CD36: variants seen among roughly 807,000 people sequenced by gnomAD.
CD36 encodes CD36 molecule (CD36 blood group), also known as platelet glycoprotein 4.
In CD36, 119 loss-of-function variants were observed where a neutral mutation model predicts 55.2. The ratio of observed to expected loss-of-function variants is 2.15; its 90% CI spans 1.86 to 2.51. The LOEUF (loss-of-function observed/expected upper bound fraction) is 2.51, where lower values mean the gene tolerates loss of function less well. Among genes scored for constraint, CD36 ranks in the 30% most tolerant of loss-of-function variants. The probability of loss-of-function intolerance (pLI) is 0.00; values close to 1 mark genes in which losing one functional copy is unlikely to be tolerated. For synonymous variants in CD36, 186 were observed against 193.6 expected, an observed-to-expected ratio of 0.96 and a Z score of 0.33; for missense variants, 819 against 555.5, an observed-to-expected ratio of 1.47 and a Z score of -4.77.
upstream of CD36, chr7:80,638,586 T>C (rs1257638582): frequency 1.4e-5 from 2 of 143,818 alleles, no homozygotes; most frequent in African/African-American, 5.1e-5. Context: ...TTCTCTTTTT[T>C]TGGGGGGGGG....
Position 80,674,055 on chromosome 7 carries a change from C to CTGAT in CD36, c.1328_1331dup (p.Glu445AspfsTer110), listed in dbSNP as rs754639049. The CTGAT allele has an allele frequency of 1.6e-5, 26 of 1,611,932 alleles. No individual in the cohort carries two copies. In the East Asian group the frequency reaches 2.5e-4, roughly 15 times the overall value. On this transcript the variant is annotated frameshift_variant, in exon 14 of 15. Coordinates refer to ENST00000447544, the MANE Select transcript of CD36 (RefSeq NM_001001548.3). LOFTEE classifies it high-confidence loss of function. Reference sequence around the variant, plus strand: ...AACTGGAAAAATAAACCTCCTTGGCCTGATAGAAATGATCTTACTCAGTGT... The same window carrying CTGAT: ...AACTGGAAAAATAAACCTCCTTGGCCTGATTGATAGAAATGATCTTACTCAGTGT...
At chr7:80,626,796 T>A (rs1793767360) in intron 1 of CD36, among the ~76,000 whole-genome samples, 1 of 152,026 alleles carries the variant, frequency 6.6e-6, no homozygotes, top group Admixed American at 6.6e-5. Flanking sequence ...GTTTGAGTAT[T>A]TGTTCCCTGT....
intron 3 of CD36, among the ~76,000 whole-genome samples, chr7:80,652,203 A>T (rs550352001): frequency 2.0e-4 from 30 of 152,314 alleles, no homozygotes; most frequent in African/African-American, 7.0e-4. Flanking sequence ...TGTCACTTAA[A>T]GACAATGTTT....
At chr7:80,648,477 A>T (rs1199103922) in intron 3 of CD36, among the ~76,000 whole-genome samples, 3 of 152,086 alleles carry the variant, frequency 2.0e-5, no homozygotes, top group Non-Finnish European at 4.4e-5. Flanking sequence ...GTACATGTAG[A>T]TTCTTTTGAA....
At position 80,670,968 on chromosome 7, in the gene CD36, T is replaced by C. The variant is rs528869861; in HGVS notation, c.819-9T>C. ...TCCTGGAATGCAGCTCTTTTTTCTCTGTATTTAGGTCAATCTATGCTGTAT... is the reference window on the plus strand; with the variant it reads ...TCCTGGAATGCAGCTCTTTTTTCTCCGTATTTAGGTCAATCTATGCTGTAT... On this transcript the variant is annotated splice_polypyrimidine_tract_variant and intron_variant, in intron 9 of 14. Coordinates refer to ENST00000447544, the MANE Select transcript of CD36 (RefSeq NM_001001548.3). 1.4e-5 allele frequency: 23 copies of C among 1,602,422 alleles called. No homozygotes were observed. The highest frequency in any genetic ancestry group is 5.0e-5 in the Admixed American group (3 of 59,896).
In CD36 at chr7:80,656,681, A is replaced by G; in HGVS notation, c.262A>G (p.Arg88Gly). The G allele has an allele frequency of 6.2e-7, 1 of 1,613,708 alleles. No homozygotes were observed. Among genetic ancestry groups the G allele is most frequent in the Non-Finnish European group, 8.5e-7 (1 of 1,179,736 alleles). The change falls in exon 4 of 15, where the codon AGA becomes GGA. Residue 88 changes from arginine to glycine, a missense_variant. Transcript: ENST00000447544. ...CAGCAGCAACATTCAAGTTAAGCAA[A>G]GAGGTCCTTATACGTACAGGTGAGT... ...MNSSNIQVKQ[R>G]GPYTYRVRFL... is the part of the protein sequence containing the mutation.
intron 3 of CD36, among the ~76,000 whole-genome samples, chr7:80,655,786 T>C (rs1280836691): frequency 6.6e-6 from 1 of 151,980 alleles, no homozygotes; most frequent in Non-Finnish European, 1.5e-5. Flanking sequence ...ATCCTGTTTC[T>C]ACTAAAACTA....
At chr7:80,606,361 G>A (rs1247914559) in intron 1 of CD36, among the ~76,000 whole-genome samples, 16 of 151,988 alleles carry the variant, frequency 1.1e-4, no homozygotes, top group Admixed American at 1.0e-3. Flanking sequence ...GGCTGGGTTT[G>A]TTTATTTTTA....
chr7:80,638,616 T>G (rs1794591192), upstream of CD36: 1 of 151,616 alleles, frequency 6.6e-6, no homozygotes, highest in South Asian at 2.1e-4. Context: ...GGTTGCATAT[T>G]TAAACTCTCA....
At chr7:80,671,899 T>G (rs1488661286) in intron 10 of CD36, 23 bp from the exon 11 acceptor site, 1 of 1,605,884 alleles carries the variant, frequency 6.2e-7, no homozygotes, top group East Asian at 2.2e-5. Flanking sequence ...TAATTCCAAT[T>G]GACTCTTAAA....
Position 80,670,994 on chromosome 7 carries a change from T to G in CD36, c.836T>G (p.Phe279Cys). 6.2e-7 allele frequency: 1 copy of G among 1,613,154 alleles called. No individual in the cohort carries two copies. Among genetic ancestry groups the G allele is most frequent in the Non-Finnish European group, 8.5e-7 (1 of 1,179,222 alleles). ...GTATTTAGGTCAATCTATGCTGTAT[T>G]TGAATCCGACGTTAATCTGAAAGGA... The part of the protein sequence containing the change: ...SDICRSIYAV[F>C]ESDVNLKGIP... The change falls in exon 10 of 15, where the codon TTT becomes TGT. Residue 279 changes from phenylalanine to cysteine, a missense_variant. Phe to Cys is a radical substitution (Grantham distance 205, BLOSUM62 -2). Transcript: ENST00000447544.
chr7:80,634,232 G>T (rs1468916139), upstream of CD36, among the ~76,000 whole-genome samples: 1 of 151,860 alleles, frequency 6.6e-6, no homozygotes, highest in African/African-American at 2.4e-5. Context: ...TCCACACCTG[G>T]CAGGTAGTAA....
chr7:80,614,607 C>T (rs1222394608), intron 1 of CD36, among the ~76,000 whole-genome samples: 4 of 151,986 alleles, frequency 2.6e-5, no homozygotes, highest in Non-Finnish European at 4.4e-5. Flanking sequence ...GCTTCTTCTT[C>T]GCGGCTCCAT....
chr7:80,630,285 A>T (rs1400784805), intron 1 of CD36, among the ~76,000 whole-genome samples: 5 of 152,040 alleles, frequency 3.3e-5, no homozygotes, highest in African/African-American at 9.7e-5. Flanking sequence ...CCTTAAAAGG[A>T]GTAGAAGAGC....
chr7:80,674,179 A>G, intron 14 of CD36, 32 bp downstream of exon 14: 6 of 1,457,968 alleles, frequency 4.1e-6, no homozygotes, highest in Non-Finnish European at 4.8e-6. Flanking sequence ...TTGCTTCAAT[A>G]ATATTAGCTT....
intron 8 of CD36, among the ~76,000 whole-genome samples, chr7:80,666,878 TA>T (rs765008321): frequency 1.3e-5 from 2 of 151,996 alleles, no homozygotes; most frequent in Non-Finnish European, 2.9e-5. Context: ...AATTACAAAA[TA>T]GAAAACATAT....
chr7:80,657,728 T>C (rs1421017626), intron 4 of CD36, among the ~76,000 whole-genome samples: 2 of 152,196 alleles, frequency 1.3e-5, no homozygotes, highest in Admixed American at 1.3e-4. Context: ...GGATTAGGAA[T>C]ATATTTATGG....
intron 13 of CD36, 123 bp from the exon 14 acceptor site, chr7:80,673,860 G>T: frequency 1.3e-6 from 1 of 751,846 alleles, no homozygotes; most frequent in Non-Finnish European, 2.3e-6. Context: ...CCATTAACTT[G>T]CCTTATAGAT....
Position 80,674,126 on chromosome 7 carries a change from C to A in CD36, c.1398C>A (p.Cys466Ter). The A allele has an allele frequency of 1.2e-6, 2 of 1,611,184 alleles. No homozygotes were observed. The highest frequency in any genetic ancestry group is 1.7e-6 in the Non-Finnish European group (2 of 1,177,994). Residue 466 changes from cysteine to a stop codon, truncating the protein, a stop_gained, in exon 14 of 15, where the codon TGC becomes TGA. Transcript: ENST00000447544. LOFTEE classifies it high-confidence loss of function. ...FVAFMISYCACRSKTIK is the reference protein window; with the variant it reads ...FVAFMISYCA Reference sequence around the variant, plus strand: ...CTTTTATGATTTCATATTGTGCATGCAGATCGAAAACAATAAAATAAGTAA... The same window carrying A: ...CTTTTATGATTTCATATTGTGCATGAAGATCGAAAACAATAAAATAAGTAA...
Sources: gnomAD v4.1 joint callset for allele counts (sites outside exome capture counted in the v4.1 genomes callset) on GRCh38, gnomAD v4.1.1 for gene constraint, MANE v1.5 for transcripts, NCBI Gene and HGNC (gene_info 2026-07-23, HGNC 2026-07-21) for gene names.